Variants in KCNMB2 observed in about 807,000 individuals in gnomAD.
KCNMB2 encodes potassium calcium-activated channel subfamily M regulatory beta subunit 2, also known as calcium-activated potassium channel subunit beta-2.
A neutral mutation model predicts 24.5 loss-of-function variants in KCNMB2; 9 were observed. The observed-to-expected ratio is 0.37, with a 90% CI of 0.22 to 0.64. The LOEUF (loss-of-function observed/expected upper bound fraction) is 0.64, where lower values mean the gene tolerates loss of function less well. KCNMB2 is among the 30% of genes least tolerant of loss of function. The pLI, the probability that KCNMB2 is intolerant of heterozygous loss-of-function variation, is 0.63. For synonymous variants in KCNMB2, 109 were observed against 104.4 expected, an observed-to-expected ratio of 1.04 and a Z score of -0.27; for missense variants, 226 against 284.3, an observed-to-expected ratio of 0.79 and a Z score of 1.47.
chr3:178,721,588 C>T (rs542657540), intron 1 of KCNMB2, among the ~76,000 whole-genome samples: 4 of 152,022 alleles, frequency 2.6e-5, no homozygotes, highest in East Asian at 1.9e-4. Context: ...GAATGAAAAC[C>T]CCAGAGCGCA....
At chr3:178,834,784 T>C (rs1715164900) in intron 4 of KCNMB2, among the ~76,000 whole-genome samples, 2 of 152,122 alleles carry the variant, frequency 1.3e-5, no homozygotes, top group African/African-American at 4.8e-5. Flanking sequence ...AGAAACACTT[T>C]GTGACTGACA....
chr3:178,742,729 T>C (rs1359823415), intron 1 of KCNMB2, among the ~76,000 whole-genome samples: 1 of 152,164 alleles, frequency 6.6e-6, no homozygotes, highest in African/African-American at 2.4e-5. Flanking sequence ...GTACCTGTAG[T>C]ACCAAACATA....
At chr3:178,767,779 C>T (rs1376473940) in intron 1 of KCNMB2, among the ~76,000 whole-genome samples, 5 of 152,188 alleles carry the variant, frequency 3.3e-5, no homozygotes, top group East Asian at 3.9e-4. Context: ...TCTCTCTCCT[C>T]ACTCACATGT....
At chr3:178,613,072 T>C (rs1432888645) in intron 1 of KCNMB2, among the ~76,000 whole-genome samples, 1 of 152,224 alleles carries the variant, frequency 6.6e-6, no homozygotes, top group African/African-American at 2.4e-5. Context: ...TTTAACATTT[T>C]ATTATTTCTA....
intron 1 of KCNMB2, among the ~76,000 whole-genome samples, chr3:178,739,323 G>C (rs1383511884): frequency 1.3e-5 from 2 of 152,142 alleles, no homozygotes; most frequent in African/African-American, 4.8e-5. Context: ...CAAAGGAAAA[G>C]AGTTATACAA....
At position 178,759,423 on chromosome 3, in the gene KCNMB2, CTCTCCAAGAGGATATATATATATAT is replaced by C. The variant is rs1711593332; in HGVS notation, c.-67-47919_-67-47895del. ...AGAGGATATATATATATATATATAT[CTCTCCAAGAGGATATATATATATAT>C]ATATATATATCTCCAAGAGGATATA... On this transcript the variant is annotated intron_variant, in intron 1 of 4. Coordinates refer to ENST00000452583, the MANE Select transcript of KCNMB2 (RefSeq NM_181361.3). Among the ~76,000 whole-genome samples the C allele has an allele frequency of 7.2e-4, 5 of 6,900 alleles. 1 individual carries two copies. The highest frequency in any genetic ancestry group is 6.6e-3 in the African/African-American group (4 of 604). 4.5% of individuals were successfully genotyped at this position (6,900 alleles called of 152,430 possible).
chr3:178,777,899 T>C (rs576243549), intron 1 of KCNMB2, among the ~76,000 whole-genome samples: 3 of 152,296 alleles, frequency 2.0e-5, no homozygotes, highest in Admixed American at 1.3e-4. Context: ...TACCCAGTGA[T>C]GAGTAAAATA....
intron 1 of KCNMB2, among the ~76,000 whole-genome samples, chr3:178,689,013 T>G (rs1030024621): frequency 5.3e-5 from 8 of 152,174 alleles, no homozygotes. Context: ...AAACTAAACT[T>G]ATCATCAGTT....
intron 1 of KCNMB2, among the ~76,000 whole-genome samples, chr3:178,563,077 G>T (rs752750225): frequency 3.9e-5 from 6 of 152,216 alleles, no homozygotes; most frequent in Non-Finnish European, 7.3e-5. Context: ...TCACAACTGT[G>T]CAGCATGTGG....
intron 1 of KCNMB2, among the ~76,000 whole-genome samples, chr3:178,685,928 C>A (rs990810399): frequency 1.3e-5 from 2 of 152,088 alleles, no homozygotes; most frequent in African/African-American, 4.8e-5. Context: ...AGTAAAAAGT[C>A]CTCCAGGCTT....
intron 4 of KCNMB2, among the ~76,000 whole-genome samples, chr3:178,830,032 C>T (rs1577221384): frequency 6.6e-6 from 1 of 152,108 alleles, no homozygotes; most frequent in East Asian, 1.9e-4. Flanking sequence ...CCAAAAACAC[C>T]CTACATGCCC....
rs183949640 is a variant in KCNMB2, at chr3:178,611,532, G to A, written c.-68+74821G>A. Among the ~76,000 whole-genome samples, 683 of 152,042 alleles carry A rather than the reference G, an allele frequency of 4.5e-3. 4 individuals are homozygous for A. Among genetic ancestry groups the A allele is most frequent in the Non-Finnish European group, 6.5e-3 (442 of 67,964 alleles). Reference sequence around the variant, plus strand: ...ATCCTGGCCAACATGATGAAACCCCGTCTCTACTAAAAATACAAAAATATT... The same window carrying A: ...ATCCTGGCCAACATGATGAAACCCCATCTCTACTAAAAATACAAAAATATT... On this transcript the variant is annotated intron_variant, in intron 1 of 4. Transcript: ENST00000452583.
rs797014055 is a variant in KCNMB2 at position 178,759,649 on chromosome 3, A to C, written c.-67-47694A>C. Among the ~76,000 whole-genome samples, 56 of 89,100 alleles carry C rather than the reference A, an allele frequency of 6.3e-4. 2 individuals are homozygous for C. The highest frequency in any genetic ancestry group is 1.8e-3 in the African/African-American group (49 of 26,696). The allele number at this position is 89,100 out of a possible 152,430, so 58.5% of individuals were successfully genotyped here. ...TCTCTCCAAGAGGATATATATATAT[A>C]TATCTCCAAGAGGGATATATATATA... is the stretch of plus-strand genomic sequence containing the variant. On this transcript the variant is annotated intron_variant, in intron 1 of 4. Transcript: ENST00000452583.
chr3:178,806,205 T>C (rs1713960323), intron 1 of KCNMB2, among the ~76,000 whole-genome samples: 1 of 152,214 alleles, frequency 6.6e-6, no homozygotes, highest in African/African-American at 2.4e-5. Flanking sequence ...GTTTGAAGCA[T>C]GGGTCTACCT....
intron 2 of KCNMB2, among the ~76,000 whole-genome samples, chr3:178,819,674 T>C (rs909331166): frequency 2.6e-5 from 4 of 152,188 alleles, no homozygotes; most frequent in African/African-American, 9.7e-5. Context: ...CCATAACCTT[T>C]ATCAATGAGT....
chr3:178,757,123 A>C (rs1226946101), intron 1 of KCNMB2: 1 of 150,516 alleles, frequency 6.6e-6, no homozygotes, highest in African/African-American at 2.4e-5. Flanking sequence ...CTTTCTCCTT[A>C]AGTTTATTTC....
chr3:178,638,223 T>C (rs998476849), intron 1 of KCNMB2, among the ~76,000 whole-genome samples: 2 of 152,184 alleles, frequency 1.3e-5, no homozygotes, highest in Admixed American at 6.5e-5. Flanking sequence ...CTTAAACACA[T>C]TTAATTGTAC....
intron 1 of KCNMB2, among the ~76,000 whole-genome samples, chr3:178,598,259 T>C (rs1717948885): frequency 6.6e-6 from 1 of 152,122 alleles, no homozygotes; most frequent in Non-Finnish European, 1.5e-5. Context: ...AACTCCAGGT[T>C]TGAATCCAGT....
chr3:178,724,868 A>AT (rs1722916455), intron 1 of KCNMB2, among the ~76,000 whole-genome samples: 1 of 151,818 alleles, frequency 6.6e-6, no homozygotes, highest in African/African-American at 2.4e-5. Flanking sequence ...CTATGTGTCT[A>AT]TTTTTGTACC....
Sources: allele counts gnomAD v4.1 joint callset (sites outside exome capture counted in the v4.1 genomes callset), GRCh38; gene constraint gnomAD v4.1.1; transcripts MANE v1.5; gene names NCBI Gene and HGNC (gene_info 2026-07-23, HGNC 2026-07-21).